The following CHID1 variants were observed in gnomAD, a reference collection of about 807,000 sequenced individuals.
The protein encoded by CHID1 is chitinase domain containing 1, also known as chitinase domain-containing protein 1.
Under a neutral mutation model 55.4 loss-of-function variants are expected in CHID1, and 44 were observed. The observed-to-expected ratio is 0.79, with a 90% confidence interval of 0.62 to 1.02. The LOEUF (loss-of-function observed/expected upper bound fraction) is 1.02. Ranked by LOEUF, CHID1 falls within the 50% of genes least tolerant of loss-of-function variation. The pLI, the probability that CHID1 is intolerant of heterozygous loss-of-function variation, is 0.00. For synonymous variants in CHID1, 216 were observed against 212.9 expected (o/e 1.01, Z -0.13); for missense variants, 491 against 515.3 (o/e 0.95, Z 0.46).
chr11:914,843 T>C, upstream of CHID1: 1 of 331,716 alleles, frequency 3.0e-6, no homozygotes, highest in Non-Finnish European at 5.9e-6. Flanking sequence ...TCGCGGCGGC[T>C]CTGGGCGACT....
chr11:897,282 C>T (rs1370795365), intron 7 of CHID1, among the ~76,000 whole-genome samples: 1 of 152,158 alleles, frequency 6.6e-6, no homozygotes, highest in Non-Finnish European at 1.5e-5. Context: ...GTCTCAGCAC[C>T]TCCAGCCTCC....
Position 910,758 on chromosome 11 carries a change from G to C in CHID1, c.-44+17C>G. 1 of 1,184,670 alleles carries C rather than the reference G, an allele frequency of 8.4e-7. No homozygotes were observed. The highest frequency in any genetic ancestry group is 1.7e-5 in the African/African-American group (1 of 59,984). 73.4% of individuals were successfully genotyped at this position (1,184,670 alleles called of 1,614,324 possible). Reference sequence around the variant, plus strand: ...GTGCAAGGAGGAGGAGCAGGGGCCGGCCGCCGCGGGGCTCACCTGCATGTC... The same window carrying C: ...GTGCAAGGAGGAGGAGCAGGGGCCGCCCGCCGCGGGGCTCACCTGCATGTC... On this transcript the variant is annotated intron_variant, in intron 1 of 12. Transcript: ENST00000323578.
rs142808709 is a variant in CHID1 at position 870,430 on chromosome 11, G to A, written c.1029C>T (p.Phe343=). 39 of 1,610,298 alleles carry A rather than the reference G, an allele frequency of 2.4e-5. No homozygotes were observed. The highest frequency in any genetic ancestry group is 1.7e-4 in the Middle Eastern group (1 of 6,052). The change falls in exon 11 of 13, where the codon TTC becomes TTT. Residue 343 remains phenylalanine (F), a synonymous_variant. Transcript: ENST00000323578. ...TTCAAAACACTCACTTCTTGTACTCGAAGAAGTGCTCTGAGGCCTGGCTGT... is the reference window on the plus strand; with the variant it reads ...TTCAAAACACTCACTTCTTGTACTCAAAGAAGTGCTCTGAGGCCTGGCTGT... ...VWDSQASEHF[F]EYKKSRSGRH... is the part of the protein sequence containing the mutation.
rs1284674146 is a variant in CHID1 at position 910,716 on chromosome 11, G to A, written c.-44+59C>T. The A allele has an allele frequency of 7.2e-6, 9 of 1,253,824 alleles. No individual in the cohort carries two copies. In the Admixed American group the frequency reaches 7.6e-5, roughly 11 times the overall value. The allele number at this position is 1,253,824 out of a possible 1,614,324, so 77.7% of individuals were successfully genotyped here. ...CGCTGCCCGGCGCGCCCACTTTGCG[G>A]GAGGGAAACTGAGGCCGTGCAAGGA... On this transcript the variant is annotated intron_variant, in intron 1 of 12. Transcript: ENST00000323578.
At chr11:894,263 C>A (rs1211057515) in intron 7 of CHID1, among the ~76,000 whole-genome samples, 1 of 152,008 alleles carries the variant, frequency 6.6e-6, no homozygotes, top group Non-Finnish European at 1.5e-5. Flanking sequence ...AAGGAGAGGG[C>A]AGGGCACCGG....
At chr11:872,958 G>C (rs948092240) in intron 10 of CHID1, among the ~76,000 whole-genome samples, 1 of 152,202 alleles carries the variant, frequency 6.6e-6, no homozygotes, top group African/African-American at 2.4e-5. Context: ...TCCCACTCAG[G>C]AGCCCCAGCC....
intron 9 of CHID1, 46 bp from the exon 10 acceptor site, chr11:883,349 G>A (rs781637132): frequency 1.8e-5 from 29 of 1,570,654 alleles, no homozygotes; most frequent in East Asian, 1.1e-4. Flanking sequence ...GGAGGGCCCC[G>A]CACCTGAGCC....
chr11:890,987 C>T (rs976789925), intron 8 of CHID1, among the ~76,000 whole-genome samples: 13 of 152,180 alleles, frequency 8.5e-5, no homozygotes, highest in Admixed American at 2.6e-4. Flanking sequence ...GGCAGCGCTG[C>T]TCTTGGGAGG....
chr11:884,927 A>T (rs1417106730), intron 8 of CHID1, among the ~76,000 whole-genome samples: 1 of 152,114 alleles, frequency 6.6e-6, no homozygotes, highest in African/African-American at 2.4e-5. Context: ...CTCCTGGGGC[A>T]GCCTTCCCGC....
At chr11:902,083 C>A (rs1422083518) in intron 4 of CHID1, 115 bp downstream of exon 4, 1 of 1,194,020 alleles carries the variant, frequency 8.4e-7, no homozygotes, top group Non-Finnish European at 1.2e-6. Context: ...CACACACACT[C>A]CCATACAGAG....
upstream of CHID1, chr11:914,419 G>A (rs918660262): frequency 3.8e-6 from 3 of 799,664 alleles, no homozygotes; most frequent in Non-Finnish European, 5.4e-6. Context: ...GGGCATGGGG[G>A]GGACAGAGTA....
At chr11:914,124 G>A, upstream of CHID1, among the ~76,000 whole-genome samples, 1 of 151,968 alleles carries the variant, frequency 6.6e-6, no homozygotes, top group Non-Finnish European at 1.5e-5. Flanking sequence ...AATAATAGGG[G>A]GTTTGTAAAA....
chr11:887,682 C>T (rs556467964), intron 8 of CHID1, among the ~76,000 whole-genome samples: 1 of 152,360 alleles, frequency 6.6e-6, no homozygotes, highest in African/African-American at 2.4e-5. Flanking sequence ...CAACCCCTCC[C>T]CTGTGCCCAT....
rs1409259296 is a variant in CHID1, at chr11:893,638, AG to A, written c.609-120del. 23 of 733,772 alleles carry A rather than the reference AG, an allele frequency of 3.1e-5. No individual in the cohort carries two copies. In the East Asian group the frequency reaches 6.6e-4, roughly 21 times the overall value. The allele number at this position is 733,772 out of a possible 1,614,324, so 45.5% of individuals were successfully genotyped here. A position where few individuals can be genotyped will look rare whatever the true frequency, so the allele number is the denominator to read the frequency against. On this transcript the variant is annotated intron_variant, in intron 7 of 12. Transcript: ENST00000323578. ...GGTCCCCAGCCTGACACCCTGCAGC[AG>A]GGCAGGTGGGCCCCTTCGTGGGAAC...
chr11:900,820 C>T, intron 5 of CHID1, 116 bp downstream of exon 5: 1 of 835,504 alleles, frequency 1.2e-6, no homozygotes, highest in Admixed American at 3.0e-5. Context: ...GTCAAAGTAA[C>T]CTGTGCCGCA....
intron 8 of CHID1, among the ~76,000 whole-genome samples, chr11:888,328 C>T (rs779882285): frequency 2.0e-5 from 3 of 152,238 alleles, no homozygotes; most frequent in Non-Finnish European, 4.4e-5. Context: ...GTCCTGCCAA[C>T]CCCCACCTGG....
At chr11:878,667 G>C (rs1009946610) in intron 10 of CHID1, among the ~76,000 whole-genome samples, 2 of 152,040 alleles carry the variant, frequency 1.3e-5, no homozygotes, top group African/African-American at 4.8e-5. Flanking sequence ...CAGTGCCTCA[G>C]AGTAGCACTA....
chr11:885,299 G>A (rs1269556444), intron 8 of CHID1, among the ~76,000 whole-genome samples: 2 of 152,192 alleles, frequency 1.3e-5, no homozygotes, highest in African/African-American at 4.8e-5. Context: ...TGGCAGGTCT[G>A]AGGAGCGCCT....
At chr11:904,564 G>A (rs1027902072) in intron 2 of CHID1, 142 bp downstream of exon 2, 108 of 891,182 alleles carry the variant, frequency 1.2e-4, no homozygotes, top group Non-Finnish European at 1.7e-4. Context: ...GCCACCCACC[G>A]GCTGCGGGCT....
Sources: gnomAD v4.1 joint callset for allele counts (sites outside exome capture counted in the v4.1 genomes callset) on GRCh38, gnomAD v4.1.1 for gene constraint, MANE v1.5 for transcripts, NCBI Gene and HGNC (gene_info 2026-07-23, HGNC 2026-07-21) for gene names.